Variants in NOS1 observed in about 807,000 individuals in gnomAD.
NOS1 encodes the protein NOS type I.
Under a neutral mutation model 164.5 loss-of-function variants are expected in NOS1, and 51 were observed. That is an observed-to-expected ratio of 0.31 (90% CI 0.25 to 0.39). The LOEUF is 0.39. NOS1 is among the 10% of genes least tolerant of loss of function. NOS1 has a pLI of 1.00. For synonymous variants in NOS1, 719 were observed against 745.8 expected, an observed-to-expected ratio of 0.96 and a Z score of 0.59; for missense variants, 1,362 against 1,885.6, an observed-to-expected ratio of 0.72 and a Z score of 5.14.
At chr12:117,256,282 C>CTCTTTTT (rs1566042530) in intron 16 of NOS1, among the ~76,000 whole-genome samples, 1 of 76,810 alleles carries the variant, frequency 1.3e-5, no homozygotes, top group Non-Finnish European at 2.2e-5. Flanking sequence ...AAGGGATTTT[C>CTCTTTTT]TGTTTTTTTT....
In NOS1 at chr12:117,272,901, AGG is replaced by A. The variant is rs1872898708; in HGVS notation, c.1665-344_1665-343del. Among the ~76,000 whole-genome samples, 1 of 152,134 alleles carries A rather than the reference AGG, an allele frequency of 6.6e-6. No individual in the cohort carries two copies. The highest frequency in any genetic ancestry group is 6.5e-5 in the Admixed American group (1 of 15,270). ...CCCGACTGAGCACCCTCCTACCCTCAGGGCCTTTGCACAGGCAGCCAAACTTC... is the reference window on the plus strand; with the variant it reads ...CCCGACTGAGCACCCTCCTACCCTCAGCCTTTGCACAGGCAGCCAAACTTC... On this transcript the variant is annotated intron_variant, in intron 9 of 28. Coordinates refer to ENST00000317775, the MANE Select transcript of NOS1 (RefSeq NM_000620.5). This position sits in a 1 kb window ranked among gnomAD's most constrained non-coding sequence, Gnocchi z 4.3.
chr12:117,334,717 A>G (rs1483370067), intron 1 of NOS1, among the ~76,000 whole-genome samples: 2 of 152,140 alleles, frequency 1.3e-5, no homozygotes, highest in African/African-American at 4.8e-5. Context: ...CTTAATAACA[A>G]TTCCACAACA....
In NOS1 at chr12:117,283,054, ATATTT is replaced by A. The variant is rs1205846711; in HGVS notation, c.1382+2182_1382+2186del. On this transcript the variant is annotated intron_variant, in intron 7 of 28. Coordinates refer to ENST00000317775, the MANE Select transcript of NOS1 (RefSeq NM_000620.5). ...TATAACATTATATATATATATATAT[ATATTT>A]TTTTTTTTTTTTTTGAGACAGTCTC... Among the ~76,000 whole-genome samples, 111 of 101,094 alleles carry A rather than the reference ATATTT, an allele frequency of 1.1e-3. 1 individual carries two copies. The highest frequency in any genetic ancestry group is 4.1e-3 in the African/African-American group (103 of 24,834). The allele number at this position is 101,094 out of a possible 152,430, so 66.3% of individuals were successfully genotyped here.
chr12:117,281,190 T>C (rs531069983), intron 7 of NOS1, among the ~76,000 whole-genome samples: 73 of 152,306 alleles, frequency 4.8e-4, no homozygotes, highest in Non-Finnish European at 9.1e-4. Flanking sequence ...TTGCAGCCAG[T>C]CATTTCCACG....
At chr12:117,307,815 G>A (rs532868247) in intron 3 of NOS1, among the ~76,000 whole-genome samples, 36 of 151,880 alleles carry the variant, frequency 2.4e-4, no homozygotes, top group African/African-American at 6.3e-4. Context: ...CCAGGAGTTC[G>A]AGACCAGCCT....
chr12:117,244,864 C>T (rs941816977), intron 18 of NOS1, among the ~76,000 whole-genome samples: 2 of 152,122 alleles, frequency 1.3e-5, no homozygotes, highest in African/African-American at 4.8e-5. Context: ...TCTACAGAGA[C>T]AGGAAGTAGA....
intron 8 of NOS1, among the ~76,000 whole-genome samples, chr12:117,278,911 TAATAC>T (rs1313857812): frequency 1.3e-5 from 2 of 149,798 alleles, no homozygotes; most frequent in African/African-American, 4.9e-5. Flanking sequence ...ATATATCAAA[TAATAC>T]ATTAAATATC....
At chr12:117,293,364 T>A (rs1873187683) in intron 3 of NOS1, among the ~76,000 whole-genome samples, 1 of 152,152 alleles carries the variant, frequency 6.6e-6, no homozygotes, top group Non-Finnish European at 1.5e-5. Flanking sequence ...GTGGGAGCTA[T>A]CTTAATCATC....
intron 26 of NOS1, among the ~76,000 whole-genome samples, chr12:117,221,894 A>G (rs370939872): frequency 4.1e-5 from 6 of 147,708 alleles, no homozygotes; most frequent in Middle Eastern, 3.6e-3. Flanking sequence ...TTCCAGACTC[A>G]AGTGATCCTC....
At chr12:117,320,518 A>G (rs1330041938) in intron 2 of NOS1, among the ~76,000 whole-genome samples, 1 of 152,204 alleles carries the variant, frequency 6.6e-6, no homozygotes, top group Non-Finnish European at 1.5e-5. Flanking sequence ...TTGATTTGAT[A>G]TCAGCCCACT....
chr12:117,273,405 C>T (rs192788985), intron 9 of NOS1, among the ~76,000 whole-genome samples: 11 of 152,212 alleles, frequency 7.2e-5, no homozygotes, highest in East Asian at 1.9e-4. Context: ...CTCAGGACAC[C>T]GGCTCCCTCT....
At chr12:117,251,739 CT>C (rs1378294105) in intron 17 of NOS1, among the ~76,000 whole-genome samples, 11 of 148,198 alleles carry the variant, frequency 7.4e-5, no homozygotes, top group South Asian at 6.4e-4. Context: ...TCTTGGCAAA[CT>C]TTTTTTTTTG....
chr12:117,283,380 T>C (rs941097301), intron 7 of NOS1, among the ~76,000 whole-genome samples: 9 of 152,172 alleles, frequency 5.9e-5, no homozygotes, highest in African/African-American at 1.9e-4. Context: ...TACATTCTTA[T>C]ACAGTTCTCA....
In NOS1 at chr12:117,234,640, C is replaced by G. The variant is rs924007999; in HGVS notation, c.3160G>C (p.Glu1054Gln). Residue 1054 changes from glutamate (E) to glutamine (Q), a missense_variant, in exon 21 of 29, where the codon GAG (glutamate) becomes CAG (glutamine). Glu to Gln is a conservative substitution (Grantham distance 29). Transcript: ENST00000317775. This position sits in a 1 kb window ranked among gnomAD's most constrained non-coding sequence, Gnocchi z 4.3. ...ACAGGCGGCGCGTCCTCCAGCCGCT[C>G]GATCAGGGCATTCACGAGGTCCTCG... The part of the protein sequence containing the change: ...NHEDLVNALI[E>Q]RLEDAPPVNQ... 19 of 1,614,126 alleles carry G rather than the reference C, an allele frequency of 1.2e-5. No homozygotes were observed. Among genetic ancestry groups the G allele is most frequent in the Non-Finnish European group, 1.6e-5 (19 of 1,179,994 alleles).
rs182483006 is a variant in NOS1 at position 117,289,828 on chromosome 12, T to C, written c.981+470A>G. On this transcript the variant is annotated intron_variant, in intron 4 of 28. Coordinates refer to ENST00000317775, the MANE Select transcript of NOS1 (RefSeq NM_000620.5). Reference sequence around the variant, plus strand: ...CAGCTGCAGGCATACCCCGCAAGTCTGCTTTTAGCTTCCCTATCTTTGTGC... The same window carrying C: ...CAGCTGCAGGCATACCCCGCAAGTCCGCTTTTAGCTTCCCTATCTTTGTGC... Among the ~76,000 whole-genome samples, 3 of 152,310 alleles carry C rather than the reference T, an allele frequency of 2.0e-5. No homozygotes were observed. In the East Asian group the frequency reaches 5.8e-4, roughly 29 times the overall value.
chr12:117,338,625 T>TA (rs567102392), intron 1 of NOS1, among the ~76,000 whole-genome samples: 1 of 151,878 alleles, frequency 6.6e-6, no homozygotes, highest in Non-Finnish European at 1.5e-5. Flanking sequence ...ATAATAAAAT[T>TA]AAAAAAATCT....
At chr12:117,277,836 C>G (rs1030460229) in intron 9 of NOS1, 123 bp downstream of exon 9, 1 of 1,199,946 alleles carries the variant, frequency 8.3e-7, no homozygotes. Context: ...AGGAACCAAG[C>G]CCCCCTTTCC....
At chr12:117,248,033 T>C (rs1179388971) in intron 17 of NOS1, among the ~76,000 whole-genome samples, 2 of 151,672 alleles carry the variant, frequency 1.3e-5, no homozygotes, top group African/African-American at 4.8e-5. Context: ...CCTCTCTCTC[T>C]CTCCCTCTTT....
intron 8 of NOS1, among the ~76,000 whole-genome samples, chr12:117,278,418 T>C (rs775894098): frequency 6.6e-6 from 1 of 152,248 alleles, no homozygotes; most frequent in Non-Finnish European, 1.5e-5. Flanking sequence ...CCTCTAGTAC[T>C]GAGCTTTGTT....
Sources: allele counts gnomAD v4.1 joint callset (sites outside exome capture counted in the v4.1 genomes callset), GRCh38; gene constraint gnomAD v4.1.1; non-coding constraint Gnocchi (gnomAD v3.1); transcripts MANE v1.5; gene names NCBI Gene and HGNC (gene_info 2026-07-23, HGNC 2026-07-21).